The following RARB variants were observed in gnomAD, a reference collection of about 807,000 sequenced individuals.
The protein encoded by RARB is retinoic acid receptor beta, also known as HBV-activated protein.
In RARB, 17 loss-of-function variants were observed where a neutral mutation model predicts 51.9. The ratio of observed to expected loss-of-function variants is 0.33; its 90% confidence interval spans 0.22 to 0.49. The LOEUF is 0.49. Ranked by LOEUF, RARB falls within the 20% of genes least tolerant of loss-of-function variation. The pLI is 0.99. For missense variants in RARB, 369 were observed against 550.8 expected (o/e 0.67, Z 3.30); for synonymous variants, 215 against 195.4 (o/e 1.10, Z -0.84).
intron 5 of RARB, among the ~76,000 whole-genome samples, chr3:25,306,738 A>G (rs548513800): frequency 2.6e-5 from 4 of 152,352 alleles, no homozygotes; most frequent in African/African-American, 9.6e-5. Flanking sequence ...TAATGAAAAC[A>G]TAGTTGGAAA....
intron 3 of RARB, among the ~76,000 whole-genome samples, chr3:25,522,412 A>G (rs144484456): frequency 6.3e-4 from 96 of 152,242 alleles, no homozygotes; most frequent in African/African-American, 2.1e-3. Context: ...TCCTCTGTAT[A>G]CCAAACACAG....
intron 1 of RARB, among the ~76,000 whole-genome samples, chr3:24,836,316 C>T (rs1205620916): frequency 1.3e-5 from 2 of 152,218 alleles, no homozygotes; most frequent in East Asian, 3.8e-4. Context: ...GAGAGGACAG[C>T]TGGCAATCAG....
chr3:25,545,933 G>A (rs1699598968), intron 3 of RARB, among the ~76,000 whole-genome samples: 1 of 152,188 alleles, frequency 6.6e-6, no homozygotes, highest in South Asian at 2.1e-4. Context: ...CCAGGAAGGG[G>A]AATCAGGTTG....
intron 3 of RARB, among the ~76,000 whole-genome samples, chr3:25,526,877 T>C (rs187676392): frequency 1.1e-4 from 16 of 152,354 alleles, no homozygotes; most frequent in Admixed American, 2.0e-4. Context: ...GTTCTGCTGG[T>C]GAAGGTATCA....
chr3:25,001,580 C>A (rs1263850222), intron 2 of RARB, among the ~76,000 whole-genome samples: 1 of 152,152 alleles, frequency 6.6e-6, no homozygotes, highest in Non-Finnish European at 1.5e-5. Flanking sequence ...AGAATTAAGC[C>A]AGAAGATCAG....
intron 5 of RARB, among the ~76,000 whole-genome samples, chr3:25,371,307 T>G (rs527720856): frequency 6.6e-6 from 1 of 152,244 alleles, no homozygotes; most frequent in East Asian, 1.9e-4. Context: ...TTCTGAAGGT[T>G]GGGATGTGGA....
intron 5 of RARB, among the ~76,000 whole-genome samples, chr3:25,316,973 G>A (rs1704443105): frequency 6.6e-6 from 1 of 152,016 alleles, no homozygotes; most frequent in Non-Finnish European, 1.5e-5. Context: ...AGCCAACCAA[G>A]GTCCTCTGCT....
At chr3:24,978,190 A>G (rs1277599955) in intron 2 of RARB, among the ~76,000 whole-genome samples, 1 of 151,820 alleles carries the variant, frequency 6.6e-6, no homozygotes, top group Non-Finnish European at 1.5e-5. Context: ...AATGTTCAAC[A>G]GGGATATTGG....
intron 4 of RARB, among the ~76,000 whole-genome samples, chr3:25,158,267 C>G (rs1047354835): frequency 6.6e-6 from 1 of 152,178 alleles, no homozygotes; most frequent in African/African-American, 2.4e-5. Flanking sequence ...ATATAGAAAA[C>G]CAAATCACCC....
chr3:25,448,637 T>G (rs1357956924), intron 1 of RARB, among the ~76,000 whole-genome samples: 2 of 152,102 alleles, frequency 1.3e-5, no homozygotes, highest in Admixed American at 6.5e-5. Context: ...CCAGCTAATT[T>G]TGTATTGTTA....
At chr3:25,063,244 A>G (rs1228223613) in intron 3 of RARB, among the ~76,000 whole-genome samples, 1 of 152,020 alleles carries the variant, frequency 6.6e-6, no homozygotes, top group African/African-American at 2.4e-5. Flanking sequence ...TATTTTGAGG[A>G]AATTATTTTA....
intron 1 of RARB, among the ~76,000 whole-genome samples, chr3:24,831,842 A>G (rs760974315): frequency 6.6e-6 from 1 of 152,190 alleles, no homozygotes; most frequent in Non-Finnish European, 1.5e-5. Context: ...TTGCTAGCAA[A>G]TCATAACAAA....
chr3:25,110,983 C>T (rs1046647848), intron 3 of RARB, among the ~76,000 whole-genome samples: 6 of 152,078 alleles, frequency 3.9e-5, no homozygotes, highest in South Asian at 2.1e-4. Flanking sequence ...ATGAGTTTGA[C>T]GGAAAGAAGA....
chr3:25,325,263 A>G (rs778203532), intron 5 of RARB, among the ~76,000 whole-genome samples: 7 of 152,044 alleles, frequency 4.6e-5, no homozygotes, highest in Admixed American at 6.5e-5. Context: ...ATGCTAATAC[A>G]TTATAATTTG....
intron 3 of RARB, among the ~76,000 whole-genome samples, chr3:25,505,555 T>C (rs551197690): frequency 1.3e-5 from 2 of 152,066 alleles, no homozygotes; most frequent in South Asian, 4.2e-4. Flanking sequence ...TTTTTTTTTT[T>C]TTCTGTTTTG....
At chr3:24,948,534 G>C (rs1695822984) in intron 2 of RARB, among the ~76,000 whole-genome samples, 1 of 152,146 alleles carries the variant, frequency 6.6e-6, no homozygotes, top group African/African-American at 2.4e-5. Context: ...CAATTGAAGA[G>C]GTAAAAATAT....
intron 5 of RARB, among the ~76,000 whole-genome samples, chr3:25,306,589 T>G (rs1704157463): frequency 6.6e-6 from 1 of 152,118 alleles, no homozygotes; most frequent in South Asian, 2.1e-4. Context: ...ATTGGAATGC[T>G]GCAACTGAAA....
chr3:25,325,967 G>A lies in RARB; in HGVS notation c.179-135226G>A, dbSNP rs958437794. On this transcript the variant is annotated intron_variant, in intron 5 of 11. Transcript: ENST00000383772. ...CCTGTTGAGACCATGCAAGAGAAAC[G>A]GAAGCTGACTGTACATCCCCTATCA... Among the ~76,000 whole-genome samples, 5 of 152,262 alleles carry A rather than the reference G, an allele frequency of 3.3e-5. No homozygotes were observed. In the East Asian group the frequency reaches 7.7e-4, roughly 24 times the overall value.
chr3:25,205,862 C>G (rs1194114648), intron 5 of RARB, among the ~76,000 whole-genome samples: 1 of 152,046 alleles, frequency 6.6e-6, no homozygotes, highest in Admixed American at 6.6e-5. Context: ...CCCACCTCAG[C>G]TTCCTCAGTT....
Sources: gnomAD v4.1 joint callset for allele counts (sites outside exome capture counted in the v4.1 genomes callset) on GRCh38, gnomAD v4.1.1 for gene constraint, MANE v1.5 for transcripts, NCBI Gene and HGNC (gene_info 2026-07-23, HGNC 2026-07-21) for gene names.